The following TNFAIP8 variants were observed in gnomAD, a reference collection of about 807,000 sequenced individuals.
TNFAIP8 encodes the protein tumor necrosis factor alpha-induced protein 8.
In TNFAIP8, 7 loss-of-function variants were observed where a neutral mutation model predicts 13.3. The ratio of observed to expected loss-of-function variants is 0.52; its 90% CI spans 0.30 to 0.99. TNFAIP8 has a LOEUF of 0.99. Among genes scored for constraint, TNFAIP8 ranks in the 50% least tolerant of loss-of-function variants. The probability of loss-of-function intolerance (pLI) is 0.07; values close to 1 mark genes in which losing one functional copy is unlikely to be tolerated. For synonymous variants in TNFAIP8, 94 were observed against 87.6 expected (o/e 1.07, Z -0.41); for missense variants, 258 against 236.9 (o/e 1.09, Z -0.58).
At chr5:119,325,814 C>G (rs1387635631) in intron 1 of TNFAIP8, among the ~76,000 whole-genome samples, 1 of 152,214 alleles carries the variant, frequency 6.6e-6, no homozygotes, top group Admixed American at 6.5e-5. Flanking sequence ...GCCCCTGTCC[C>G]CTCCTTCCCC....
chr5:119,272,695 T>A (rs976967934), intron 1 of TNFAIP8, among the ~76,000 whole-genome samples: 2 of 152,234 alleles, frequency 1.3e-5, no homozygotes, highest in African/African-American at 4.8e-5. Flanking sequence ...CCCATCCTTT[T>A]AGACAGCAGT....
At chr5:119,282,930 G>A (rs1748678900) in intron 1 of TNFAIP8, among the ~76,000 whole-genome samples, 1 of 152,232 alleles carries the variant, frequency 6.6e-6, no homozygotes, top group South Asian at 2.1e-4. Flanking sequence ...ACTGTGTTCA[G>A]CTTTTAAAAT....
At chr5:119,295,245 CGTTT>C (rs1749137639) in intron 1 of TNFAIP8, among the ~76,000 whole-genome samples, 1 of 57,102 alleles carries the variant, frequency 1.8e-5, no homozygotes, top group Non-Finnish European at 3.1e-5. Flanking sequence ...ATAGGTCTAA[CGTTT>C]AGTCTAACGT....
At chr5:119,301,315 AC>A (rs1354475255) in intron 1 of TNFAIP8, among the ~76,000 whole-genome samples, 2 of 152,006 alleles carry the variant, frequency 1.3e-5, no homozygotes, top group Non-Finnish European at 2.9e-5. Context: ...CACAATTCTT[AC>A]CCCTCTGTCA....
intron 1 of TNFAIP8, among the ~76,000 whole-genome samples, chr5:119,383,146 G>A (rs1752549864): frequency 6.6e-6 from 1 of 152,092 alleles, no homozygotes; most frequent in Admixed American, 6.5e-5. Flanking sequence ...TTAAGGTTTT[G>A]TTTTTTTAAT....
chr5:119,357,778 A>G (rs1374459223), intron 1 of TNFAIP8, among the ~76,000 whole-genome samples: 2 of 152,030 alleles, frequency 1.3e-5, no homozygotes, highest in African/African-American at 4.8e-5. Context: ...CTGCTTTTTA[A>G]AGAAAGCCCA....
chr5:119,276,727 C>T (rs1163919502), intron 1 of TNFAIP8, among the ~76,000 whole-genome samples: 2 of 152,152 alleles, frequency 1.3e-5, no homozygotes, highest in African/African-American at 2.4e-5. Flanking sequence ...ATTAGGGTCC[C>T]ACCCTTATGA....
intron 1 of TNFAIP8, among the ~76,000 whole-genome samples, chr5:119,388,919 C>T (rs1422216936): frequency 6.6e-6 from 1 of 151,866 alleles, no homozygotes; most frequent in African/African-American, 2.4e-5. Flanking sequence ...GCTGGGATTA[C>T]AGGTGTGAGC....
chr5:119,318,283 T>C (rs1749957314), intron 1 of TNFAIP8, among the ~76,000 whole-genome samples: 1 of 151,980 alleles, frequency 6.6e-6, no homozygotes, highest in African/African-American at 2.4e-5. Flanking sequence ...CCTTTTGTTC[T>C]AGAATGGATT....
At chr5:119,359,388 C>T (rs1351579614) in intron 1 of TNFAIP8, among the ~76,000 whole-genome samples, 1 of 152,162 alleles carries the variant, frequency 6.6e-6, no homozygotes, top group African/African-American at 2.4e-5. Flanking sequence ...CCTTTCCTTG[C>T]TGGCTCTCCC....
intron 1 of TNFAIP8, chr5:119,391,340 C>G (rs1386025696): frequency 1.4e-6 from 1 of 700,678 alleles, no homozygotes; most frequent in Non-Finnish European, 2.6e-6. Flanking sequence ...CTTTCATTAC[C>G]AAATGACTGC....
At chr5:119,273,815 G>A (rs762456289) in intron 1 of TNFAIP8, among the ~76,000 whole-genome samples, 10 of 152,156 alleles carry the variant, frequency 6.6e-5, no homozygotes, top group Non-Finnish European at 1.3e-4. Context: ...ATTAGGCACC[G>A]GGGCAAGGTC....
intron 1 of TNFAIP8, among the ~76,000 whole-genome samples, chr5:119,384,828 G>A (rs141533300): frequency 3.0e-4 from 46 of 152,268 alleles, no homozygotes; most frequent in Middle Eastern, 6.8e-3. Context: ...CATAAAGAAG[G>A]TATCATATGA....
intron 1 of TNFAIP8, among the ~76,000 whole-genome samples, chr5:119,392,615 G>C (rs903388695): frequency 3.9e-5 from 6 of 152,132 alleles, no homozygotes; most frequent in African/African-American, 1.4e-4. Context: ...GTCTCCCAAA[G>C]TGTTGGGATT....
chr5:119,360,371 T>G (rs998274802), intron 1 of TNFAIP8, among the ~76,000 whole-genome samples: 1 of 152,204 alleles, frequency 6.6e-6, no homozygotes, highest in Non-Finnish European at 1.5e-5. Context: ...GTCAGTGAGA[T>G]TAGTGTGGTT....
chr5:119,309,818 C>T (rs941053039), intron 1 of TNFAIP8, among the ~76,000 whole-genome samples: 4 of 152,232 alleles, frequency 2.6e-5, no homozygotes, highest in Non-Finnish European at 5.9e-5. Flanking sequence ...TGGCATTTAA[C>T]ATGCGGGCTC....
At chr5:119,322,919 G>A (rs776627634) in intron 1 of TNFAIP8, among the ~76,000 whole-genome samples, 1 of 152,188 alleles carries the variant, frequency 6.6e-6, no homozygotes, top group Non-Finnish European at 1.5e-5. Flanking sequence ...ACTCAAATTT[G>A]ATGTGAAGAA....
chr5:119,318,741 A>G (rs1749972603), intron 1 of TNFAIP8, among the ~76,000 whole-genome samples: 1 of 131,348 alleles, frequency 7.6e-6, no homozygotes, highest in Non-Finnish European at 1.5e-5. Context: ...TCACCATCTC[A>G]TGAACCCTTG....
At chr5:119,315,353 G>C (rs1162166964) in intron 1 of TNFAIP8, among the ~76,000 whole-genome samples, 1 of 152,124 alleles carries the variant, frequency 6.6e-6, no homozygotes, top group East Asian at 1.9e-4. Context: ...CAAAGTGCTG[G>C]GATTACAGGT....
Sources: allele counts gnomAD v4.1 joint callset (sites outside exome capture counted in the v4.1 genomes callset), GRCh38; gene constraint gnomAD v4.1.1; transcripts MANE v1.5; gene names NCBI Gene and HGNC (gene_info 2026-07-23, HGNC 2026-07-21).